TMEM132E: variants seen among roughly 807,000 people sequenced by gnomAD.
The protein encoded by TMEM132E is transmembrane protein 132E.
Under a neutral mutation model 78.5 loss-of-function variants are expected in TMEM132E, and 49 were observed. That is an observed-to-expected ratio of 0.62 (90% CI 0.50 to 0.79). TMEM132E has a LOEUF of 0.79. TMEM132E is among the 30% of genes least tolerant of loss of function. The pLI is 0.00. For missense variants in TMEM132E, 1,403 were observed against 1,470.9 expected (o/e 0.95, Z 0.75); for synonymous variants, 715 against 670.6 (o/e 1.07, Z -1.02).
intron 1 of TMEM132E, among the ~76,000 whole-genome samples, chr17:34,620,253 A>C (rs1387363594): frequency 6.6e-6 from 1 of 152,250 alleles, no homozygotes; most frequent in Non-Finnish European, 1.5e-5. Context: ...AAGCCTGGGC[A>C]GGTACCCCCA....
intron 1 of TMEM132E, among the ~76,000 whole-genome samples, chr17:34,613,207 A>ACGCG (rs1245968091): frequency 1.5e-3 from 124 of 83,006 alleles, no homozygotes; most frequent in South Asian, 3.1e-3. Context: ...CCACACACAC[A>ACGCG]CACACGCGCG....
chr17:34,613,225 G>GCGCGCC lies in TMEM132E; in HGVS notation c.68-12900_68-12899insCGCCCG, dbSNP rs1413683784. Among the ~76,000 whole-genome samples, 6 of 150,098 alleles carry GCGCGCC rather than the reference G, an allele frequency of 4.0e-5. No individual in the cohort carries two copies. In the Admixed American group the frequency reaches 4.0e-4, roughly 10 times the overall value. ...CACACACACACACGCGCGCGCGCGC[G>GCGCGCC]CGTTCTTACATTCTTTTTCCGTTGT... On this transcript the variant is annotated intron_variant, in intron 1 of 8. Transcript: ENST00000631683.
intron 1 of TMEM132E, among the ~76,000 whole-genome samples, chr17:34,590,264 G>A (rs1031967253): frequency 6.6e-5 from 10 of 152,142 alleles, no homozygotes; most frequent in African/African-American, 9.7e-5. Flanking sequence ...CCTCCCCCCC[G>A]GAGCTGGCTA....
At position 34,630,079 on chromosome 17, in the gene TMEM132E, C is replaced by T. The variant is rs774029122; in HGVS notation, c.1410C>T (p.Ile470=). 5.6e-6 allele frequency: 9 copies of T among 1,613,666 alleles called. No homozygotes were observed. The highest frequency in any genetic ancestry group is 2.2e-5 in the South Asian group (2 of 91,060). The change falls in exon 5 of 9, where the codon ATC becomes ATT. Residue 470 remains isoleucine, a synonymous_variant. Transcript: ENST00000631683. ...CCATCCCTGTCAAGGTCATTGCCATCGAGGTGAATGGCCTCGTCCTGGACA... is the reference window on the plus strand; with the variant it reads ...CCATCCCTGTCAAGGTCATTGCCATTGAGGTGAATGGCCTCGTCCTGGACA... ...TVAIPVKVIA[I]EVNGLVLDIS... is the part of the protein sequence containing the mutation.
At chr17:34,616,313 G>C (rs1039296251) in intron 1 of TMEM132E, among the ~76,000 whole-genome samples, 1 of 152,194 alleles carries the variant, frequency 6.6e-6, no homozygotes, top group Non-Finnish European at 1.5e-5. Context: ...GCATGGGGGT[G>C]GGGTGGATAA....
At chr17:34,603,334 C>T (rs1906302550) in intron 1 of TMEM132E, among the ~76,000 whole-genome samples, 1 of 152,106 alleles carries the variant, frequency 6.6e-6, no homozygotes, top group Admixed American at 6.5e-5. Context: ...CAGAAGGAAC[C>T]TGAGGGAAGG....
At chr17:34,633,361 A>G (rs1273573962) in intron 6 of TMEM132E, among the ~76,000 whole-genome samples, 2 of 152,266 alleles carry the variant, frequency 1.3e-5, no homozygotes, top group Non-Finnish European at 2.9e-5. Flanking sequence ...GGCAGACAAA[A>G]TGAAGCAGAC....
chr17:34,591,387 C>G (rs1246777409), intron 1 of TMEM132E, among the ~76,000 whole-genome samples: 1 of 151,528 alleles, frequency 6.6e-6, no homozygotes, highest in Non-Finnish European at 1.5e-5. Flanking sequence ...TGGCTGCAGA[C>G]TCAACTTCCT....
At chr17:34,623,406 C>G (rs956855503) in intron 1 of TMEM132E, among the ~76,000 whole-genome samples, 1 of 151,374 alleles carries the variant, frequency 6.6e-6, no homozygotes, top group African/African-American at 2.4e-5. Flanking sequence ...CCCGCTCCCC[C>G]CCCCCCCCCC....
intron 1 of TMEM132E, among the ~76,000 whole-genome samples, chr17:34,625,872 G>T (rs1242066502): frequency 1.3e-5 from 2 of 152,210 alleles, no homozygotes; most frequent in Non-Finnish European, 1.5e-5. Context: ...CCCCTATGTC[G>T]CAGGTAAATA....
intron 1 of TMEM132E, among the ~76,000 whole-genome samples, chr17:34,605,717 T>G (rs2142063016): frequency 6.6e-6 from 1 of 152,324 alleles, no homozygotes; most frequent in Admixed American, 6.5e-5. Context: ...TGAGTGTTTA[T>G]TTCTCGTGAG....
chr17:34,637,290 C>CA lies in TMEM132E; in HGVS notation c.2284dup (p.Thr762AsnfsTer14). 1 of 1,614,164 alleles carries CA rather than the reference C, an allele frequency of 6.2e-7. No homozygotes were observed. The highest frequency in any genetic ancestry group is 8.5e-7 in the Non-Finnish European group (1 of 1,180,050). The stretch of plus-strand genomic sequence containing the variant: ...TGAGCAGCCTGGATGAGCATGTGGC[C>CA]ACTGTGACCCAGGACCGGGCCTTCC... On this transcript the variant is annotated frameshift_variant, in exon 9 of 9. Coordinates refer to ENST00000631683, the MANE Select transcript of TMEM132E (RefSeq NM_001304438.2). LOFTEE classifies it high-confidence loss of function.
intron 1 of TMEM132E, among the ~76,000 whole-genome samples, chr17:34,620,277 A>G (rs1439548323): frequency 6.6e-6 from 1 of 152,246 alleles, no homozygotes; most frequent in East Asian, 1.9e-4. Context: ...TCAGAAAAGT[A>G]TGGAATTGAC....
At chr17:34,633,812 C>G (rs1012214376) in intron 6 of TMEM132E, among the ~76,000 whole-genome samples, 1 of 152,194 alleles carries the variant, frequency 6.6e-6, no homozygotes, top group African/African-American at 2.4e-5. Context: ...GGGGTAAAGC[C>G]TGTGATTCTG....
At chr17:34,602,888 G>A (rs571117670) in intron 1 of TMEM132E, among the ~76,000 whole-genome samples, 3 of 152,214 alleles carry the variant, frequency 2.0e-5, no homozygotes, top group South Asian at 2.1e-4. Context: ...GCAGGTCCAC[G>A]TGGGATGGAA....
intron 1 of TMEM132E, among the ~76,000 whole-genome samples, chr17:34,618,114 G>A (rs1906840385): frequency 6.6e-6 from 1 of 152,148 alleles, no homozygotes; most frequent in African/African-American, 2.4e-5. Flanking sequence ...TACAATGGCT[G>A]CATATATCCA....
chr17:34,632,994 T>C (rs1258506679), intron 6 of TMEM132E, 85 bp downstream of exon 6: 2 of 1,457,956 alleles, frequency 1.4e-6, no homozygotes, highest in Non-Finnish European at 1.9e-6. Flanking sequence ...CATATGGGTA[T>C]AAGGCCCTTG....
intron 1 of TMEM132E, among the ~76,000 whole-genome samples, chr17:34,585,720 C>T (rs1391926718): frequency 6.6e-6 from 1 of 152,238 alleles, no homozygotes; most frequent in African/African-American, 2.4e-5. Flanking sequence ...TCAAGCCAGC[C>T]TCTGGTTGCA....
At chr17:34,598,457 C>G (rs1906127626) in intron 1 of TMEM132E, among the ~76,000 whole-genome samples, 1 of 152,160 alleles carries the variant, frequency 6.6e-6, no homozygotes, top group African/African-American at 2.4e-5. Context: ...TTGGCTCTTG[C>G]TGGGTACCCA....
Sources: gnomAD v4.1 joint callset for allele counts (sites outside exome capture counted in the v4.1 genomes callset) on GRCh38, gnomAD v4.1.1 for gene constraint, MANE v1.5 for transcripts, NCBI Gene and HGNC (gene_info 2026-07-23, HGNC 2026-07-21) for gene names.